Variants in CTNNA3 observed in about 807,000 individuals in gnomAD.
CTNNA3 encodes the protein catenin alpha-3.
CTNNA3 carries 76 observed loss-of-function variants against 95.7 expected under a neutral mutation model. The ratio of observed to expected loss-of-function variants is 0.79; its 90% CI spans 0.66 to 0.96. The LOEUF is 0.96. Among genes scored for constraint, CTNNA3 ranks in the 40% least tolerant of loss-of-function variants. The pLI, the probability that CTNNA3 is intolerant of heterozygous loss-of-function variation, is 0.00. For missense variants in CTNNA3, 1,191 were observed against 1,089.8 expected (o/e 1.09, Z -1.31); for synonymous variants, 431 against 374.4 (o/e 1.15, Z -1.74).
At chr10:66,417,393 T>A (rs931713715) in intron 11 of CTNNA3, among the ~76,000 whole-genome samples, 7 of 152,098 alleles carry the variant, frequency 4.6e-5, no homozygotes, top group Middle Eastern at 3.4e-3. Flanking sequence ...GAAAGATTAC[T>A]AAATCTGAAA....
intron 9 of CTNNA3, among the ~76,000 whole-genome samples, chr10:66,707,939 T>C (rs1201064304): frequency 6.6e-6 from 1 of 152,160 alleles, no homozygotes; most frequent in Non-Finnish European, 1.5e-5. Context: ...CAAAGTGTTC[T>C]GGTGCATTCA....
intron 13 of CTNNA3, among the ~76,000 whole-genome samples, chr10:66,227,878 A>C (rs2089397515): frequency 6.6e-6 from 1 of 152,090 alleles, no homozygotes; most frequent in African/African-American, 2.4e-5. Context: ...TAGATTTTCA[A>C]ATTCTTCCTG....
At chr10:66,724,276 T>A (rs1204565489) in intron 9 of CTNNA3, among the ~76,000 whole-genome samples, 1 of 152,206 alleles carries the variant, frequency 6.6e-6, no homozygotes, top group Non-Finnish European at 1.5e-5. Context: ...CTTGTCCTCC[T>A]TTCTCACATT....
chr10:66,519,450 G>A (rs528969711), intron 11 of CTNNA3, among the ~76,000 whole-genome samples: 1 of 152,202 alleles, frequency 6.6e-6, no homozygotes, highest in African/African-American at 2.4e-5. Context: ...AAATCTTGGA[G>A]CCCCAAAATT....
chr10:66,856,616 T>C (rs143511374), intron 7 of CTNNA3, among the ~76,000 whole-genome samples: 47 of 152,248 alleles, frequency 3.1e-4, no homozygotes, highest in African/African-American at 1.0e-3. Context: ...TGGTATGAGA[T>C]GGTAAGACAT....
chr10:67,205,577 C>T (rs903577873), intron 6 of CTNNA3, among the ~76,000 whole-genome samples: 10 of 152,132 alleles, frequency 6.6e-5, no homozygotes, highest in Middle Eastern at 3.2e-3. Flanking sequence ...CTGTTTGCTT[C>T]TTGCTAGGTT....
intron 10 of CTNNA3, among the ~76,000 whole-genome samples, chr10:66,548,426 TTC>T (rs896472880): frequency 3.3e-5 from 5 of 152,160 alleles, no homozygotes; most frequent in Admixed American, 3.3e-4. Context: ...CCTCTTTCTG[TTC>T]TTTTTCTCAT....
At chr10:67,456,015 A>G (rs1847160487) in intron 5 of CTNNA3, among the ~76,000 whole-genome samples, 1 of 152,190 alleles carries the variant, frequency 6.6e-6, no homozygotes, top group Non-Finnish European at 1.5e-5. Context: ...ACTCCTCTGT[A>G]CTATCTGTAA....
At chr10:67,709,988 C>T (rs2133610212) in intron 1 of CTNNA3, among the ~76,000 whole-genome samples, 1 of 152,020 alleles carries the variant, frequency 6.6e-6, no homozygotes, top group East Asian at 1.9e-4. Flanking sequence ...CAGGTGTGTC[C>T]CACAACTACC....
intron 5 of CTNNA3, among the ~76,000 whole-genome samples, chr10:67,283,624 A>G (rs1365373066): frequency 6.6e-6 from 1 of 152,174 alleles, no homozygotes; most frequent in African/African-American, 2.4e-5. Flanking sequence ...ATCCTAAGTC[A>G]AAGGTCAAAT....
intron 11 of CTNNA3, among the ~76,000 whole-genome samples, chr10:66,506,469 T>G (rs1395895299): frequency 6.6e-6 from 1 of 152,138 alleles, no homozygotes; most frequent in Admixed American, 6.6e-5. Flanking sequence ...GGGAGGCTTT[T>G]CCAATTTTCT....
At chr10:66,624,426 T>C (rs890005807) in intron 9 of CTNNA3, among the ~76,000 whole-genome samples, 3 of 152,112 alleles carry the variant, frequency 2.0e-5, no homozygotes, top group African/African-American at 7.2e-5. Flanking sequence ...AGAAATTTCA[T>C]ACTCTCAGAG....
chr10:66,169,278 C>G (rs1407241762), intron 13 of CTNNA3, among the ~76,000 whole-genome samples: 2 of 152,116 alleles, frequency 1.3e-5, no homozygotes, highest in African/African-American at 2.4e-5. Flanking sequence ...ACATACAATT[C>G]TTGCTTTTCC....
intron 1 of CTNNA3, among the ~76,000 whole-genome samples, chr10:67,670,299 A>G (rs952047572): frequency 3.3e-5 from 5 of 152,214 alleles, no homozygotes; most frequent in Non-Finnish European, 7.3e-5. Flanking sequence ...AGCCATGTCT[A>G]TTTTACTCAT....
At chr10:67,304,104 A>G (rs867937263) in intron 5 of CTNNA3, among the ~76,000 whole-genome samples, 7 of 152,174 alleles carry the variant, frequency 4.6e-5, no homozygotes, top group African/African-American at 1.7e-4. Flanking sequence ...GATGCTTGAG[A>G]TGTAAACATA....
intron 4 of CTNNA3, among the ~76,000 whole-genome samples, chr10:67,538,496 T>C (rs1268450763): frequency 1.3e-5 from 2 of 150,704 alleles, no homozygotes; most frequent in Non-Finnish European, 2.9e-5. Flanking sequence ...GCTGGAGAAT[T>C]GCATGAACCC....
intron 13 of CTNNA3, among the ~76,000 whole-genome samples, chr10:66,236,198 G>A (rs139654411): frequency 5.3e-5 from 8 of 152,226 alleles, no homozygotes; most frequent in Middle Eastern, 3.4e-3. Flanking sequence ...AGAAAGATAA[G>A]TCAGAACTAA....
At chr10:66,435,380 G>A (rs952559004) in intron 11 of CTNNA3, among the ~76,000 whole-genome samples, 1 of 152,066 alleles carries the variant, frequency 6.6e-6, no homozygotes, top group Non-Finnish European at 1.5e-5. Flanking sequence ...TCTTGGGAGG[G>A]TGTATGTGTC....
At chr10:67,228,507 G>T (rs1865034695) in intron 5 of CTNNA3, among the ~76,000 whole-genome samples, 1 of 152,122 alleles carries the variant, frequency 6.6e-6, no homozygotes, top group African/African-American at 2.4e-5. Context: ...CAGCTACTTG[G>T]GAGGCTGAGG....
Sources: gnomAD v4.1 joint callset for allele counts (sites outside exome capture counted in the v4.1 genomes callset) on GRCh38, gnomAD v4.1.1 for gene constraint, MANE v1.5 for transcripts, NCBI Gene and HGNC (gene_info 2026-07-23, HGNC 2026-07-21) for gene names.